The following GLI2 variants were observed in gnomAD, a reference collection of about 807,000 sequenced individuals.
GLI2 encodes transcription activator GLI2.
Under a neutral mutation model 78.9 loss-of-function variants are expected in GLI2, and 22 were observed. The observed-to-expected ratio is 0.28, with a 90% CI of 0.20 to 0.40. The LOEUF (loss-of-function observed/expected upper bound fraction) is 0.40, where lower values mean the gene tolerates loss of function less well. Ranked by LOEUF, GLI2 falls within the 10% of genes least tolerant of loss-of-function variation. The pLI is 1.00. For synonymous variants in GLI2, 974 were observed against 963.7 expected, an observed-to-expected ratio of 1.01 and a Z score of -0.20; for missense variants, 2,097 against 2,213.2, an observed-to-expected ratio of 0.95 and a Z score of 1.05.
chr2:120,776,740 G>A (rs1683687123), intron 1 of GLI2, among the ~76,000 whole-genome samples: 1 of 152,240 alleles, frequency 6.6e-6, no homozygotes, highest in Admixed American at 6.5e-5. Flanking sequence ...GGCTGTGGAG[G>A]CCTGGGGCTG....
At chr2:120,748,874 T>C (rs1682775097) in intron 1 of GLI2, among the ~76,000 whole-genome samples, 1 of 151,964 alleles carries the variant, frequency 6.6e-6, no homozygotes, top group Non-Finnish European at 1.5e-5. Flanking sequence ...CATCCATCCA[T>C]CCATCCATCC....
In GLI2 at chr2:120,989,830, G is replaced by A. The variant is rs12711538; in HGVS notation, c.3865G>A (p.Asp1289Asn). 0.69 allele frequency: 1,116,580 copies of A among 1,611,070 alleles called. 391,822 individuals are homozygous for A. The highest frequency in any genetic ancestry group is 0.73 in the Non-Finnish European group (859,423 of 1,178,720). ...GNRHRELGVPDSALAGVPPPH... is the reference protein window; with the variant it reads ...GNRHRELGVPNSALAGVPPPH... Reference sequence around the variant, plus strand: ...TCGCCACAGGGAACTTGGGGTCCCCGATTCAGCCCTGGCTGGAGTGCCACC... The same window carrying A: ...TCGCCACAGGGAACTTGGGGTCCCCAATTCAGCCCTGGCTGGAGTGCCACC... Residue 1289 changes from aspartate (D) to asparagine (N), a missense_variant, in exon 14 of 14, where the codon GAT (aspartate) becomes AAT (asparagine). This residue lies in a region of GLI2 where 1,290 missense variants were observed against 1,261.7 expected (regional missense o/e 1.02). Transcript: ENST00000361492.
intron 2 of GLI2, among the ~76,000 whole-genome samples, chr2:120,857,368 C>T (rs1687700690): frequency 7.3e-6 from 1 of 137,352 alleles, no homozygotes; most frequent in South Asian, 2.4e-4. Context: ...TATCTGCCCA[C>T]TCACCTACCT....
At chr2:120,851,338 A>T (rs2104609327) in intron 2 of GLI2, among the ~76,000 whole-genome samples, 1 of 152,262 alleles carries the variant, frequency 6.6e-6, no homozygotes, top group East Asian at 1.9e-4. Context: ...TCAAGTGAGG[A>T]GTTTTCAGTT....
chr2:120,980,256 A>G (rs1401898135), intron 10 of GLI2, among the ~76,000 whole-genome samples: 1 of 152,192 alleles, frequency 6.6e-6, no homozygotes, highest in Non-Finnish European at 1.5e-5. Context: ...CCCACAATGA[A>G]TGAGGGTTCT....
At position 120,970,615 on chromosome 2, in the gene GLI2, G is replaced by T. The variant is rs768096911; in HGVS notation, c.1059+9G>T. ...TGAGTGACACCAACCAGGTAGGTGGGTGCAGGGGCCAGGATGGCCACTGGG... is the reference window on the plus strand; with the variant it reads ...TGAGTGACACCAACCAGGTAGGTGGTTGCAGGGGCCAGGATGGCCACTGGG... On this transcript the variant is annotated intron_variant, in intron 7 of 13. Transcript: ENST00000361492. 6.2e-7 allele frequency: 1 copy of T among 1,610,838 alleles called. No individual in the cohort carries two copies.
chr2:120,756,513 G>A (rs1683038124), intron 1 of GLI2, among the ~76,000 whole-genome samples: 1 of 151,852 alleles, frequency 6.6e-6, no homozygotes, highest in African/African-American at 2.4e-5. Context: ...TTAGTTTTTT[G>A]CCTTTCACTG....
chr2:120,853,321 A>C (rs1456620857), intron 2 of GLI2, among the ~76,000 whole-genome samples: 1 of 152,170 alleles, frequency 6.6e-6, no homozygotes, highest in East Asian at 1.9e-4. Context: ...TGGAGATTTG[A>C]GTTCAGAGAA....
At chr2:120,926,891 C>T (rs957108641) in intron 2 of GLI2, among the ~76,000 whole-genome samples, 9 of 152,234 alleles carry the variant, frequency 5.9e-5, no homozygotes, top group Admixed American at 1.3e-4. Flanking sequence ...CTGGCGGCAC[C>T]GTCTGTGGGC....
intron 3 of GLI2, among the ~76,000 whole-genome samples, chr2:120,949,147 G>A (rs1432479565): frequency 6.6e-6 from 1 of 152,184 alleles, no homozygotes; most frequent in South Asian, 2.1e-4. Context: ...TTGTCCAGGG[G>A]TGCATTAGTC....
At chr2:120,931,178 C>T (rs1679928591) in intron 3 of GLI2, among the ~76,000 whole-genome samples, 1 of 152,244 alleles carries the variant, frequency 6.6e-6, no homozygotes, top group South Asian at 2.1e-4. Flanking sequence ...TACTTAAAAT[C>T]AAGGAGTTGG....
At chr2:120,778,588 T>G (rs768801149) in intron 1 of GLI2, among the ~76,000 whole-genome samples, 23 of 152,162 alleles carry the variant, frequency 1.5e-4, no homozygotes, top group Non-Finnish European at 2.9e-5. Context: ...AGATTCCACA[T>G]GTGGCTGGTG....
intron 2 of GLI2, among the ~76,000 whole-genome samples, chr2:120,923,548 C>T (rs187705202): frequency 3.1e-4 from 47 of 152,004 alleles, no homozygotes; most frequent in African/African-American, 9.9e-4. Context: ...CAGCAACACA[C>T]GCATACAGCA....
At chr2:120,917,633 G>T (rs1051702891) in intron 2 of GLI2, among the ~76,000 whole-genome samples, 1 of 152,270 alleles carries the variant, frequency 6.6e-6, no homozygotes, top group African/African-American at 2.4e-5. Flanking sequence ...CTGCCTTGCA[G>T]CACACAGGAG....
At chr2:120,873,774 G>C (rs1043217633) in intron 2 of GLI2, among the ~76,000 whole-genome samples, 1 of 152,160 alleles carries the variant, frequency 6.6e-6, no homozygotes, top group African/African-American at 2.4e-5. Context: ...GACCGAACCT[G>C]TGTCCACAGA....
intron 2 of GLI2, among the ~76,000 whole-genome samples, chr2:120,815,615 C>T (rs4848122): frequency 0.28 from 42,456 of 152,172 alleles, 6,271 homozygotes; most frequent in East Asian, 0.37. Flanking sequence ...GCACCTCTGA[C>T]GGTGCTCCCT....
intron 2 of GLI2, among the ~76,000 whole-genome samples, chr2:120,923,002 T>G (rs1196613449): frequency 6.6e-6 from 1 of 152,088 alleles, no homozygotes; most frequent in Non-Finnish European, 1.5e-5. Context: ...GGCCTCTTTC[T>G]GGAAGCCTCA....
At chr2:120,881,424 G>A (rs1294342188) in intron 2 of GLI2, among the ~76,000 whole-genome samples, 1 of 121,364 alleles carries the variant, frequency 8.2e-6, no homozygotes, top group Non-Finnish European at 1.8e-5. Context: ...GGGAGGACAG[G>A]TAGGGGAGGG....
intron 2 of GLI2, among the ~76,000 whole-genome samples, chr2:120,849,925 A>T (rs1365802120): frequency 6.6e-6 from 1 of 152,280 alleles, no homozygotes; most frequent in Non-Finnish European, 1.5e-5. Context: ...GAGAACAAAA[A>T]AGAGCTTTAG....
Sources: allele counts gnomAD v4.1 joint callset (sites outside exome capture counted in the v4.1 genomes callset), GRCh38; gene constraint gnomAD v4.1.1; regional missense constraint gnomAD v4.1.1; transcripts MANE v1.5; gene names NCBI Gene and HGNC (gene_info 2026-07-23, HGNC 2026-07-21).